RTF2: variants seen among roughly 807,000 people sequenced by gnomAD.
RTF2 encodes the protein UPF0549 protein C20orf43.
RTF2 carries 18 observed loss-of-function variants against 38.0 expected under a neutral mutation model. The ratio of observed to expected loss-of-function variants is 0.47; its 90% CI spans 0.33 to 0.70. The LOEUF is 0.70. Among genes scored for constraint, RTF2 ranks in the 30% least tolerant of loss-of-function variants. The pLI, the probability that RTF2 is intolerant of heterozygous loss-of-function variation, is 0.02. For missense variants in RTF2, 311 were observed against 379.6 expected (o/e 0.82, Z 1.50); for synonymous variants, 126 against 137.1 (o/e 0.92, Z 0.57).
At chr20:56,505,959 A>G (rs1420328725) in intron 5 of RTF2, among the ~76,000 whole-genome samples, 1 of 152,198 alleles carries the variant, frequency 6.6e-6, no homozygotes, top group Non-Finnish European at 1.5e-5. Context: ...TCCAAGCCAA[A>G]AAGGAGCTAT....
chr20:56,509,482 G>A (rs1174121692), intron 5 of RTF2, among the ~76,000 whole-genome samples: 4 of 151,988 alleles, frequency 2.6e-5, no homozygotes, highest in African/African-American at 4.8e-5. Flanking sequence ...GCATGATGGC[G>A]GGGGCCTGTA....
intron 1 of RTF2, 95 bp from the exon 2 acceptor site, chr20:56,473,206 C>T: frequency 2.3e-6 from 2 of 867,856 alleles, no homozygotes; most frequent in Non-Finnish European, 3.7e-6. Flanking sequence ...AAAATCATTA[C>T]AGTGCGGTAT....
intron 4 of RTF2, among the ~76,000 whole-genome samples, chr20:56,482,274 G>T (rs1347687584): frequency 6.6e-6 from 1 of 152,184 alleles, no homozygotes; most frequent in East Asian, 1.9e-4. Context: ...TACAGTATTT[G>T]CATATAACCT....
At chr20:56,486,737 T>C (rs1013897690) in intron 5 of RTF2, among the ~76,000 whole-genome samples, 3 of 152,140 alleles carry the variant, frequency 2.0e-5, no homozygotes, top group Non-Finnish European at 4.4e-5. Context: ...TATTAAGATA[T>C]TGACAGTACA....
chr20:56,489,402 G>A (rs1250926153), intron 5 of RTF2, among the ~76,000 whole-genome samples: 1 of 152,082 alleles, frequency 6.6e-6, no homozygotes, highest in African/African-American at 2.4e-5. Flanking sequence ...CTTCATTATA[G>A]CATTAAGCCT....
intron 2 of RTF2, among the ~76,000 whole-genome samples, 183 bp from the exon 3 acceptor site, chr20:56,474,493 TAA>T (rs1982136374): frequency 6.6e-6 from 1 of 152,146 alleles, no homozygotes; most frequent in South Asian, 2.1e-4. Context: ...AATAAATAAA[TAA>T]ATAATTTCCT....
chr20:56,483,485 G>T (rs1257055869), intron 4 of RTF2, among the ~76,000 whole-genome samples: 1 of 151,948 alleles, frequency 6.6e-6, no homozygotes, highest in African/African-American at 2.4e-5. Flanking sequence ...ATCACACTTG[G>T]CTAAGTTTTT....
At chr20:56,509,684 G>A (rs987565032) in intron 5 of RTF2, among the ~76,000 whole-genome samples, 1 of 151,882 alleles carries the variant, frequency 6.6e-6, no homozygotes, top group Non-Finnish European at 1.5e-5. Flanking sequence ...CTCAGGCATT[G>A]CTGGTGGCAA....
chr20:56,491,685 C>T (rs1983149781), intron 5 of RTF2: 1 of 1,552,162 alleles, frequency 6.4e-7, no homozygotes, highest in Admixed American at 2.0e-5. Context: ...ACAAGCGGGT[C>T]TGTCGAGGGT....
intron 5 of RTF2, among the ~76,000 whole-genome samples, chr20:56,489,509 G>A (rs1170228710): frequency 6.6e-6 from 1 of 152,188 alleles, no homozygotes; most frequent in Non-Finnish European, 1.5e-5. Flanking sequence ...GAGTGTAGCT[G>A]CCTGGTCCAA....
In RTF2 at chr20:56,484,203, A is replaced by G. The variant is rs1421522804; in HGVS notation, c.477+14A>G. The G allele has an allele frequency of 3.1e-6, 5 of 1,601,796 alleles. No homozygotes were observed. The highest frequency in any genetic ancestry group is 1.3e-5 in the African/African-American group (1 of 74,636). ...GTTTGCCACACGGTGAGTTCCTGAC[A>G]TGTACCATTTGTTCCTTCTCTGTAG... On this transcript the variant is annotated intron_variant, in intron 5 of 8. Coordinates refer to ENST00000357348, the MANE Select transcript of RTF2 (RefSeq NM_016407.5).
chr20:56,502,474 C>G (rs938996713), intron 5 of RTF2, among the ~76,000 whole-genome samples: 1 of 152,062 alleles, frequency 6.6e-6, no homozygotes, highest in Non-Finnish European at 1.5e-5. Context: ...CAGAACAGTT[C>G]GTTGAAGGAT....
Position 56,518,568 on chromosome 20 carries a change from G to A in RTF2, c.*303G>A, listed in dbSNP as rs1210221549. 1.0e-5 allele frequency: 3 copies of A among 288,316 alleles called. No individual in the cohort carries two copies. The highest frequency in any genetic ancestry group is 2.2e-5 in the African/African-American group (1 of 46,160). The allele number at this position is 288,316 out of a possible 1,614,324, so 17.9% of individuals were successfully genotyped here. On this transcript the variant is annotated 3_prime_UTR_variant, in exon 9 of 9. Coordinates refer to ENST00000357348, the MANE Select transcript of RTF2 (RefSeq NM_016407.5). ...ACTTTTTATGCTTGCAGTAACAAGA[G>A]ACTCCAGAGTCCTCACCGGTGCAGA...
chr20:56,484,210 A>G, intron 5 of RTF2, 21 bp downstream of exon 5: 1 of 1,580,920 alleles, frequency 6.3e-7, no homozygotes, highest in Non-Finnish European at 8.7e-7. Flanking sequence ...GACATGTACC[A>G]TTTGTTCCTT....
chr20:56,479,350 C>G (rs1477297641), intron 4 of RTF2, among the ~76,000 whole-genome samples: 1 of 152,086 alleles, frequency 6.6e-6, no homozygotes, highest in Non-Finnish European at 1.5e-5. Context: ...CTCAGCGTCC[C>G]GAGTAGCTGG....
At chr20:56,506,676 A>G (rs1319991381) in intron 5 of RTF2, among the ~76,000 whole-genome samples, 2 of 152,164 alleles carry the variant, frequency 1.3e-5, no homozygotes, top group African/African-American at 2.4e-5. Flanking sequence ...CTCTAACCAT[A>G]TAATCTTCCT....
intron 6 of RTF2, chr20:56,514,346 T>C (rs997957957): frequency 8.6e-5 from 13 of 151,544 alleles, no homozygotes. Context: ...AATTTCTTAT[T>C]CTTTAAAAAA....
At chr20:56,499,039 A>T (rs1267190744) in intron 5 of RTF2, among the ~76,000 whole-genome samples, 1 of 152,124 alleles carries the variant, frequency 6.6e-6, no homozygotes, top group African/African-American at 2.4e-5. Flanking sequence ...CGTACAGTTT[A>T]TTTCTACCCA....
chr20:56,517,398 G>T (rs1340486056), intron 8 of RTF2, among the ~76,000 whole-genome samples, 197 bp downstream of exon 8: 1 of 152,130 alleles, frequency 6.6e-6, no homozygotes, highest in African/African-American at 2.4e-5. Flanking sequence ...CGTGGCAGGA[G>T]TGATGGGGTC....
Sources: allele counts gnomAD v4.1 joint callset (sites outside exome capture counted in the v4.1 genomes callset), GRCh38; gene constraint gnomAD v4.1.1; transcripts MANE v1.5; gene names NCBI Gene and HGNC (gene_info 2026-07-23, HGNC 2026-07-21).